Variants in SIRPG observed in about 807,000 individuals in gnomAD.
SIRPG encodes the protein signal-regulatory protein gamma.
In SIRPG, 38 loss-of-function variants were observed where a neutral mutation model predicts 35.7. The ratio of observed to expected loss-of-function variants is 1.06; its 90% CI spans 0.82 to 1.40. The LOEUF is 1.40. Among genes scored for constraint, SIRPG ranks in the 40% most tolerant of loss-of-function variants. The pLI is 0.00. For synonymous variants in SIRPG, 215 were observed against 190.4 expected (o/e 1.13, Z -1.06); for missense variants, 519 against 483.0 (o/e 1.07, Z -0.70).
chr20:1,648,661 TA>T (rs886484262), intron 2 of SIRPG, among the ~76,000 whole-genome samples: 7 of 151,320 alleles, frequency 4.6e-5, no homozygotes, highest in East Asian at 1.9e-4. Context: ...TAAAAAAAAA[TA>T]AAAAAAAGAA....
chr20:1,679,662 A>T, the SIRPG span, among the ~76,000 whole-genome samples: 5 of 152,050 alleles, frequency 3.3e-5, no homozygotes, highest in African/African-American at 9.7e-5. Context: ...TCCAAATGAA[A>T]TTTTCACAGT....
At chr20:1,668,171 T>TTTTCTTTCTTTC in the SIRPG span, among the ~76,000 whole-genome samples, 3 of 62,854 alleles carry the variant, frequency 4.8e-5, no homozygotes, top group African/African-American at 1.6e-4. Flanking sequence ...TTTTCTTTTC[T>TTTTCTTTCTTTC]TTTCTTTCTT....
the SIRPG span, among the ~76,000 whole-genome samples, chr20:1,682,071 T>C: frequency 6.6e-6 from 1 of 152,154 alleles, no homozygotes; most frequent in Non-Finnish European, 1.5e-5. Context: ...GGAACACTAA[T>C]AGAGTAATGC....
chr20:1,634,354 C>A (rs1218869291), intron 4 of SIRPG, among the ~76,000 whole-genome samples: 1 of 151,818 alleles, frequency 6.6e-6, no homozygotes, highest in African/African-American at 2.4e-5. Context: ...CTACAGGCGC[C>A]CGCCACCACG....
intron 4 of SIRPG, 91 bp downstream of exon 4, chr20:1,635,176 T>G (rs2091786470): frequency 9.4e-7 from 1 of 1,068,428 alleles, no homozygotes; most frequent in African/African-American, 1.6e-5. Flanking sequence ...ACTTTGTATT[T>G]ATAGACTTCT....
the SIRPG span, among the ~76,000 whole-genome samples, chr20:1,673,193 G>C: frequency 6.6e-6 from 1 of 152,188 alleles, no homozygotes; most frequent in Non-Finnish European, 1.5e-5. Flanking sequence ...AAGAAGAGAA[G>C]TTATCAAGAT....
At chr20:1,660,548 G>C (rs573514190), upstream of SIRPG, among the ~76,000 whole-genome samples, 5 of 152,190 alleles carry the variant, frequency 3.3e-5, no homozygotes, top group Non-Finnish European at 7.3e-5. Flanking sequence ...TCTGTGCTTA[G>C]AGCAGCAAGT....
At chr20:1,639,052 G>A (rs2091828766) in intron 2 of SIRPG, among the ~76,000 whole-genome samples, 2 of 152,030 alleles carry the variant, frequency 1.3e-5, no homozygotes, top group Non-Finnish European at 2.9e-5. Context: ...TCATGTCTTT[G>A]CTATTGTAAA....
Position 1,635,288 on chromosome 20 carries a change from G to A in SIRPG, c.1060C>T (p.Gln354Ter), listed in dbSNP as rs78053816. Residue 354 changes from glutamine (Q) to a stop codon, truncating the protein, a stop_gained, in exon 4 of 6, where the codon CAG (glutamine) becomes TAG (stop). Coordinates refer to ENST00000303415, the MANE Select transcript of SIRPG (RefSeq NM_018556.4). LOFTEE classifies it high-confidence loss of function. ...TCACCAGGGGTAGCATCTGAGCTCT[G>A]GTCCTTCTGGTGGACTGTGACCTCT... ...ALEVTVHQKDQSSDATPGPAS... is the reference protein window; with the variant it reads ...ALEVTVHQKD 11 of 1,612,136 alleles carry A rather than the reference G, an allele frequency of 6.8e-6. No individual in the cohort carries two copies. The highest frequency in any genetic ancestry group is 9.3e-6 in the Non-Finnish European group (11 of 1,178,388).
At chr20:1,682,286 G>A in the SIRPG span, among the ~76,000 whole-genome samples, 1 of 152,258 alleles carries the variant, frequency 6.6e-6, no homozygotes, top group African/African-American at 2.4e-5. Flanking sequence ...AATAAGAAAA[G>A]TCTTTTAAAA....
intron 4 of SIRPG, 89 bp from the exon 5 acceptor site, chr20:1,630,395 G>A (rs778312176): frequency 1.1e-5 from 11 of 1,011,702 alleles, no homozygotes; most frequent in African/African-American, 1.7e-5. Context: ...GAGGCTGCCT[G>A]GGCCCATCTA....
the SIRPG span, among the ~76,000 whole-genome samples, chr20:1,666,917 C>CA: frequency 4.8e-5 from 7 of 147,042 alleles, no homozygotes; most frequent in African/African-American, 1.7e-4. Flanking sequence ...TATTTACTTA[C>CA]TTTTTTTTTT....
At chr20:1,653,563 T>G (rs1412539834) in intron 1 of SIRPG, among the ~76,000 whole-genome samples, 1 of 152,234 alleles carries the variant, frequency 6.6e-6, no homozygotes, top group African/African-American at 2.4e-5. Flanking sequence ...CCACATTTTT[T>G]TCCTCATTTC....
chr20:1,635,290 T>G lies in SIRPG; in HGVS notation c.1058A>C (p.Asp353Ala). The G allele has an allele frequency of 1.9e-6, 3 of 1,612,564 alleles. No homozygotes were observed. The highest frequency in any genetic ancestry group is 2.5e-6 in the Non-Finnish European group (3 of 1,178,712). Residue 353 changes from aspartate (D) to alanine (A), a missense_variant, in exon 4 of 6, where the codon GAC (aspartate) becomes GCC (alanine). By Grantham distance (126) the Asp-to-Ala change is moderately radical (BLOSUM62 -2). Coordinates refer to ENST00000303415, the MANE Select transcript of SIRPG (RefSeq NM_018556.4). ...LALEVTVHQK[D>A]QSSDATPGPA... ...ACCAGGGGTAGCATCTGAGCTCTGG[T>G]CCTTCTGGTGGACTGTGACCTCTAG...
intron 5 of SIRPG, 73 bp downstream of exon 5, chr20:1,630,149 G>T: frequency 8.6e-7 from 1 of 1,164,620 alleles, no homozygotes; most frequent in East Asian, 2.6e-5. Context: ...TGCATGGCAT[G>T]TGGGCTGGGC....
the SIRPG span, among the ~76,000 whole-genome samples, chr20:1,676,333 A>G: frequency 1.3e-5 from 2 of 152,214 alleles, no homozygotes; most frequent in African/African-American, 2.4e-5. Context: ...CACATGTACA[A>G]GGTCACCCAC....
At position 1,636,198 on chromosome 20, in the gene SIRPG, C is replaced by T; in HGVS notation, c.738G>A (p.Glu246=). 1 of 1,614,132 alleles carries T rather than the reference C, an allele frequency of 6.2e-7. No individual in the cohort carries two copies. The change falls in exon 3 of 6, where the codon GAG becomes GAA. Residue 246 remains glutamate (E), a synonymous_variant. Coordinates refer to ENST00000303415, the MANE Select transcript of SIRPG (RefSeq NM_018556.4). Reference sequence around the variant, plus strand: ...GTGAGGGTCCTCTACCTCGGATGGCCTCAGACAAGTTGGCAGTCCCACGAA... The same window carrying T: ...GTGAGGGTCCTCTACCTCGGATGGCTTCAGACAAGTTGGCAGTCCCACGAA... ...DPLRGTANLS[E]AIRVPPTLEV...
rs781459773 is a variant in SIRPG, at chr20:1,635,363, A to G, written c.985T>C (p.Cys329Arg). Residue 329 changes from cysteine to arginine, a missense_variant, in exon 4 of 6, where the codon TGC (cysteine) becomes CGC (arginine). Physicochemically the swap from Cys to Arg is radical, Grantham distance 180. Transcript: ENST00000303415. ...AGCTGCCCATCATGCTTCACCTGGC[A>G]GGTGAGGACCACATCATCCCTTTGG... ...SDQRDDVVLT[C>R]QVKHDGQLAV... The G allele has an allele frequency of 1.2e-6, 2 of 1,614,228 alleles. No individual in the cohort carries two copies. Among genetic ancestry groups the G allele is most frequent in the South Asian group, 2.2e-5 (2 of 91,084 alleles).
chr20:1,677,821 G>A, the SIRPG span, among the ~76,000 whole-genome samples: 1 of 152,098 alleles, frequency 6.6e-6, no homozygotes, highest in African/African-American at 2.4e-5. Flanking sequence ...TTGAAGATAG[G>A]TCAGATGAGG....
Sources: allele counts gnomAD v4.1 joint callset (sites outside exome capture counted in the v4.1 genomes callset), GRCh38; gene constraint gnomAD v4.1.1; transcripts MANE v1.5; gene names NCBI Gene and HGNC (gene_info 2026-07-23, HGNC 2026-07-21).